NWD2: variants seen among roughly 807,000 people sequenced by gnomAD.
The protein encoded by NWD2 is NACHT and WD repeat domain-containing protein 2.
In NWD2, 37 loss-of-function variants were observed where a neutral mutation model predicts 132.7. The observed-to-expected ratio is 0.28, with a 90% CI of 0.21 to 0.37. The LOEUF is 0.37. NWD2 is among the 10% of genes least tolerant of loss of function. The pLI is 1.00. For missense variants in NWD2, 1,592 were observed against 2,122.4 expected (o/e 0.75, Z 4.91); for synonymous variants, 705 against 803.0 (o/e 0.88, Z 2.06).
chr4:37,403,392 A>C (rs1396745636), intron 3 of NWD2, among the ~76,000 whole-genome samples: 2 of 152,220 alleles, frequency 1.3e-5, no homozygotes, highest in Non-Finnish European at 2.9e-5. Context: ...TGAAGGGTCC[A>C]GAATAATTAA....
intron 1 of NWD2, among the ~76,000 whole-genome samples, chr4:37,325,521 T>G (rs1719151334): frequency 1.3e-5 from 2 of 152,158 alleles, no homozygotes; most frequent in Non-Finnish European, 2.9e-5. Context: ...ATAATTAAAT[T>G]TATCAACGTG....
chr4:37,272,247 A>G (rs1219334777), intron 1 of NWD2, among the ~76,000 whole-genome samples: 1 of 151,500 alleles, frequency 6.6e-6, no homozygotes, highest in Non-Finnish European at 1.5e-5. Context: ...CTCAGGAAGG[A>G]TATTGTTCTG....
intron 1 of NWD2, 81 bp downstream of exon 1, chr4:37,245,299 C>T: frequency 7.1e-7 from 1 of 1,400,642 alleles, no homozygotes; most frequent in South Asian, 1.5e-5. Flanking sequence ...GTCCGCCCCA[C>T]AGCCCGGTGC....
At chr4:37,418,365 A>G (rs762828725) in intron 3 of NWD2, among the ~76,000 whole-genome samples, 5 of 152,126 alleles carry the variant, frequency 3.3e-5, no homozygotes, top group Non-Finnish European at 7.4e-5. Context: ...GAATAATTTC[A>G]AATTATATAG....
intron 3 of NWD2, among the ~76,000 whole-genome samples, chr4:37,389,213 GGCCTCTCGTCAGAGCCCCT>G (rs1375679652): frequency 6.6e-6 from 1 of 152,004 alleles, no homozygotes; most frequent in Non-Finnish European, 1.5e-5. Context: ...TGGCCCCAGG[GGCCTCTCGTCAGAGCCCCT>G]GCCTCAGGCC....
chr4:37,256,085 T>A (rs1381153957), intron 1 of NWD2, among the ~76,000 whole-genome samples: 1 of 152,224 alleles, frequency 6.6e-6, no homozygotes, highest in Non-Finnish European at 1.5e-5. Context: ...GTAGCAGTGC[T>A]TTTGGAATAC....
chr4:37,270,641 G>A (rs184683590), intron 1 of NWD2, among the ~76,000 whole-genome samples: 2 of 151,676 alleles, frequency 1.3e-5, no homozygotes, highest in East Asian at 3.9e-4. Context: ...TTGATTGGTA[G>A]GATTGTTTAT....
chr4:37,441,540 G>A (rs1560256705), intron 6 of NWD2, among the ~76,000 whole-genome samples: 1 of 152,198 alleles, frequency 6.6e-6, no homozygotes, highest in Non-Finnish European at 1.5e-5. Context: ...ACTTATGTGG[G>A]ATGTGCTGAT....
intron 1 of NWD2, among the ~76,000 whole-genome samples, chr4:37,258,912 A>G (rs1279717876): frequency 6.6e-6 from 1 of 152,202 alleles, no homozygotes; most frequent in Non-Finnish European, 1.5e-5. Flanking sequence ...ACTTTTGCTG[A>G]TATCACAAGT....
intron 1 of NWD2, among the ~76,000 whole-genome samples, chr4:37,320,127 T>C (rs1410803885): frequency 1.3e-5 from 2 of 152,196 alleles, no homozygotes; most frequent in African/African-American, 4.8e-5. Context: ...TTTTTTCCAT[T>C]TGTTTGTGTC....
chr4:37,333,277 C>A (rs559126167), intron 2 of NWD2, among the ~76,000 whole-genome samples: 1 of 152,242 alleles, frequency 6.6e-6, no homozygotes, highest in African/African-American at 2.4e-5. Flanking sequence ...TATCAAGGGC[C>A]TTGATGGGAC....
At chr4:37,356,635 G>A (rs1033238929) in intron 3 of NWD2, among the ~76,000 whole-genome samples, 153 bp downstream of exon 3, 13 of 152,180 alleles carry the variant, frequency 8.5e-5, no homozygotes, top group African/African-American at 2.9e-4. Flanking sequence ...GGCTCTCAAT[G>A]TATGAGAACA....
chr4:37,364,572 A>G (rs886303624), intron 3 of NWD2, among the ~76,000 whole-genome samples: 3 of 151,862 alleles, frequency 2.0e-5, no homozygotes, highest in Non-Finnish European at 4.4e-5. Flanking sequence ...TTACACACAT[A>G]TATAAACAAA....
At chr4:37,343,413 G>T (rs1189377671) in intron 2 of NWD2, among the ~76,000 whole-genome samples, 2 of 152,132 alleles carry the variant, frequency 1.3e-5, no homozygotes, top group Non-Finnish European at 2.9e-5. Context: ...TTACTTTCTT[G>T]AAAGAGCTAC....
At chr4:37,337,669 G>C (rs1357719447) in intron 2 of NWD2, among the ~76,000 whole-genome samples, 1 of 152,138 alleles carries the variant, frequency 6.6e-6, no homozygotes, top group Non-Finnish European at 1.5e-5. Flanking sequence ...TGTCCACCTG[G>C]TTTTCTTCTT....
At chr4:37,390,823 G>A (rs1185995749) in intron 3 of NWD2, among the ~76,000 whole-genome samples, 2 of 152,156 alleles carry the variant, frequency 1.3e-5, no homozygotes, top group African/African-American at 4.8e-5. Context: ...CCTGGAAGAC[G>A]TTCGGTAAAT....
chr4:37,346,033 A>T (rs536166463), intron 2 of NWD2, among the ~76,000 whole-genome samples: 5 of 151,522 alleles, frequency 3.3e-5, no homozygotes, highest in Non-Finnish European at 5.9e-5. Flanking sequence ...AGTGAGCTGA[A>T]ATCATGCCAC....
chr4:37,266,303 G>A (rs950196217), intron 1 of NWD2, among the ~76,000 whole-genome samples: 1 of 152,044 alleles, frequency 6.6e-6, no homozygotes, highest in East Asian at 1.9e-4. Flanking sequence ...ACCAGGGGTG[G>A]ATCTGGCCTT....
At chr4:37,295,839 G>A (rs568155854) in intron 1 of NWD2, among the ~76,000 whole-genome samples, 11 of 152,226 alleles carry the variant, frequency 7.2e-5, no homozygotes, top group South Asian at 4.2e-4. Flanking sequence ...TAGTCTTCAC[G>A]CTGAAAGTAT....
Sources: allele counts gnomAD v4.1 joint callset (sites outside exome capture counted in the v4.1 genomes callset), GRCh38; gene constraint gnomAD v4.1.1; transcripts MANE v1.5; gene names NCBI Gene and HGNC (gene_info 2026-07-23, HGNC 2026-07-21).